The following PCBP3 variants were observed in gnomAD, a reference collection of about 807,000 sequenced individuals.
The protein encoded by PCBP3 is poly(rC) binding protein 3.
In PCBP3, 25 loss-of-function variants were observed where a neutral mutation model predicts 52.7. That is an observed-to-expected ratio of 0.47 (90% CI 0.35 to 0.66). The LOEUF is 0.66. PCBP3 is among the 30% of genes least tolerant of loss of function. The pLI, the probability that PCBP3 is intolerant of heterozygous loss-of-function variation, is 0.01. For missense variants in PCBP3, 391 were observed against 490.3 expected, an observed-to-expected ratio of 0.80 and a Z score of 1.91; for synonymous variants, 162 against 183.0, an observed-to-expected ratio of 0.89 and a Z score of 0.93.
chr21:45,801,623 G>A lies in PCBP3; in HGVS notation c.-126+46171G>A, dbSNP rs529048957. On this transcript the variant is annotated intron_variant, in intron 4 of 17. Coordinates refer to ENST00000681687, the MANE Select transcript of PCBP3 (RefSeq NM_001384156.1). ...TGGTCACTGACCCGCCTTCACAGCC[G>A]CACTTGTTGTGACATACTTGATTCA... Among the ~76,000 whole-genome samples the A allele has an allele frequency of 5.3e-3, 792 of 148,158 alleles. 8 individuals carry two copies. The highest frequency in any genetic ancestry group is 0.018 in the African/African-American group (758 of 41,164).
intron 4 of PCBP3, among the ~76,000 whole-genome samples, chr21:45,759,637 A>G (rs1356861389): frequency 6.6e-6 from 1 of 152,236 alleles, no homozygotes; most frequent in African/African-American, 2.4e-5. Flanking sequence ...AGAAGATTTC[A>G]GACATGGAGA....
At chr21:45,776,128 A>G (rs960832814) in intron 4 of PCBP3, among the ~76,000 whole-genome samples, 6 of 152,126 alleles carry the variant, frequency 3.9e-5, no homozygotes, top group Non-Finnish European at 5.9e-5. Flanking sequence ...GTAGTTTCCA[A>G]AGTTCCTGTT....
At chr21:45,794,737 G>A (rs1291543410) in intron 4 of PCBP3, among the ~76,000 whole-genome samples, 4 of 152,148 alleles carry the variant, frequency 2.6e-5, no homozygotes. Flanking sequence ...AGACCAGCCT[G>A]GCTAACACAG....
At chr21:45,899,249 A>G (rs1183357032) in intron 6 of PCBP3, among the ~76,000 whole-genome samples, 1 of 152,086 alleles carries the variant, frequency 6.6e-6, no homozygotes, top group Non-Finnish European at 1.5e-5. Context: ...TTTTTCACAC[A>G]TTTCTTCCAG....
rs565235371 is a variant in PCBP3, at chr21:45,679,180, G to A, written c.-200+10228G>A. ...GTTGCCCAGGCTGGAGTGTGCAGTG[G>A]TGCAATCTCGGCTCACTGCAACCTC... On this transcript the variant is annotated intron_variant, in intron 2 of 17. Coordinates refer to ENST00000681687, the MANE Select transcript of PCBP3 (RefSeq NM_001384156.1). Among the ~76,000 whole-genome samples the A allele has an allele frequency of 3.3e-4, 50 of 151,132 alleles. No individual in the cohort carries two copies. In the South Asian group the frequency reaches 0.01, roughly 32 times the overall value.
intron 4 of PCBP3, among the ~76,000 whole-genome samples, chr21:45,795,497 G>A (rs887542170): frequency 4.6e-5 from 7 of 152,076 alleles, no homozygotes; most frequent in Non-Finnish European, 7.4e-5. Flanking sequence ...TAACCCAGGC[G>A]TCATTATATA....
intron 4 of PCBP3, among the ~76,000 whole-genome samples, chr21:45,833,942 A>C (rs1303204013): frequency 6.6e-6 from 1 of 152,214 alleles, no homozygotes; most frequent in Non-Finnish European, 1.5e-5. Flanking sequence ...ACAAATTTGG[A>C]CCATGTTGGC....
chr21:45,848,254 G>T (rs989729354), intron 4 of PCBP3: 1 of 152,144 alleles, frequency 6.6e-6, no homozygotes, highest in African/African-American at 2.4e-5. Flanking sequence ...GTTTCCCCTG[G>T]TTACTTGGCG....
intron 4 of PCBP3, among the ~76,000 whole-genome samples, chr21:45,841,763 A>G (rs1457403456): frequency 6.6e-6 from 1 of 152,214 alleles, no homozygotes; most frequent in East Asian, 1.9e-4. Context: ...AGGAATTGGG[A>G]ATGAGCCAAA....
intron 5 of PCBP3, among the ~76,000 whole-genome samples, chr21:45,882,607 G>A (rs1337573448): frequency 6.6e-6 from 1 of 152,178 alleles, no homozygotes; most frequent in Non-Finnish European, 1.5e-5. Flanking sequence ...AACTAAACCA[G>A]TGTCGTGGAA....
intron 5 of PCBP3, chr21:45,893,671 C>T: frequency 2.3e-6 from 2 of 876,366 alleles, no homozygotes; most frequent in Non-Finnish European, 2.7e-6. Context: ...TGTCCCTTCT[C>T]CCTGTCCCAT....
At chr21:45,700,956 C>T (rs1460993644) in intron 2 of PCBP3, among the ~76,000 whole-genome samples, 1 of 152,174 alleles carries the variant, frequency 6.6e-6, no homozygotes, top group Non-Finnish European at 1.5e-5. Context: ...TCTGCAGTAT[C>T]CCTGATCCCC....
chr21:45,856,850 T>TA (rs529875175), intron 5 of PCBP3, among the ~76,000 whole-genome samples: 117 of 152,308 alleles, frequency 7.7e-4, no homozygotes, highest in Non-Finnish European at 1.3e-3. Flanking sequence ...ATTTAACAAA[T>TA]ACATTGGTTT....
chr21:45,731,961 C>G (rs1174206808), intron 2 of PCBP3, among the ~76,000 whole-genome samples: 4 of 151,546 alleles, frequency 2.6e-5, no homozygotes, highest in Admixed American at 2.6e-4. Context: ...TACATATTTT[C>G]TGTTTCAATG....
At chr21:45,739,106 G>T (rs1341907305) in intron 3 of PCBP3, among the ~76,000 whole-genome samples, 2 of 102,364 alleles carry the variant, frequency 2.0e-5, no homozygotes, top group Admixed American at 1.3e-4. Flanking sequence ...TCCTGTCCGC[G>T]GTCCTCTGGG....
intron 2 of PCBP3, among the ~76,000 whole-genome samples, chr21:45,690,986 G>T (rs1047691107): frequency 6.6e-6 from 1 of 152,028 alleles, no homozygotes; most frequent in Admixed American, 6.6e-5. Flanking sequence ...AGCACTTACC[G>T]TATACCACCT....
intron 2 of PCBP3, among the ~76,000 whole-genome samples, chr21:45,708,757 T>C (rs2083621737): frequency 6.6e-6 from 1 of 152,220 alleles, no homozygotes; most frequent in African/African-American, 2.4e-5. Context: ...TTGGTGACTG[T>C]GATTCATGTG....
At chr21:45,925,224 C>T (rs1008111698) in intron 13 of PCBP3, among the ~76,000 whole-genome samples, 4 of 151,940 alleles carry the variant, frequency 2.6e-5, no homozygotes, top group Admixed American at 6.6e-5. Context: ...TGCGAACACC[C>T]GCAGGTCTCT....
At position 45,791,636 on chromosome 21, in the gene PCBP3, A is replaced by G. The variant is rs191495181; in HGVS notation, c.-126+36184A>G. 3.0e-3 allele frequency among the ~76,000 whole-genome samples: 463 copies of G among 152,340 alleles called. 2 individuals are homozygous for G. Among genetic ancestry groups the G allele is most frequent in the Non-Finnish European group, 5.8e-3 (392 of 68,026 alleles). On this transcript the variant is annotated intron_variant, in intron 4 of 17. Coordinates refer to ENST00000681687, the MANE Select transcript of PCBP3 (RefSeq NM_001384156.1). The surrounding 1 kb of genome is among the most constrained non-coding windows in gnomAD (Gnocchi z 4.2). ...CAACTTTCTTTTTCCAGTTGGTGGC[A>G]GTCATAAGTTAATTTCTGTCGAAGT...
Sources: gnomAD v4.1 joint callset for allele counts (sites outside exome capture counted in the v4.1 genomes callset) on GRCh38, gnomAD v4.1.1 for gene constraint, Gnocchi (gnomAD v3.1) non-coding constraint, MANE v1.5 for transcripts, NCBI Gene and HGNC (gene_info 2026-07-23, HGNC 2026-07-21) for gene names.